The following ERLIN2 variants were observed in gnomAD, a reference collection of about 807,000 sequenced individuals.
ERLIN2 encodes the protein ER lipid raft associated 2.
A neutral mutation model predicts 41.5 loss-of-function variants in ERLIN2; 22 were observed. The ratio of observed to expected loss-of-function variants is 0.53; its 90% CI spans 0.38 to 0.76. The LOEUF (loss-of-function observed/expected upper bound fraction) is 0.76, where lower values mean the gene tolerates loss of function less well. Ranked by LOEUF, ERLIN2 falls within the 30% of genes least tolerant of loss-of-function variation. ERLIN2 has a pLI of 0.00. For missense variants in ERLIN2, 247 were observed against 414.3 expected (o/e 0.60, Z 3.51); for synonymous variants, 149 against 150.9 (o/e 0.99, Z 0.09).
chr8:37,748,181 A>G (rs1301637676), intron 6 of ERLIN2, among the ~76,000 whole-genome samples: 2 of 152,218 alleles, frequency 1.3e-5, no homozygotes, highest in African/African-American at 2.4e-5. Flanking sequence ...CTTGAAAAGT[A>G]TTTCTTTCAC....
chr8:37,738,194 TACAC>T (rs748029411), intron 2 of ERLIN2, among the ~76,000 whole-genome samples, 165 bp downstream of exon 2: 1 of 152,142 alleles, frequency 6.6e-6, no homozygotes, highest in African/African-American at 2.4e-5. Context: ...GGAAAGAGAA[TACAC>T]ACACACACAT....
chr8:37,741,036 C>T lies in ERLIN2; in HGVS notation c.189+590C>T, dbSNP rs1178760663. On this transcript the variant is annotated intron_variant, in intron 3 of 11. Coordinates refer to ENST00000519638, the MANE Select transcript of ERLIN2 (RefSeq NM_007175.8). This position sits in a 1 kb window ranked among gnomAD's most constrained non-coding sequence, Gnocchi z 4.8. ...CCTGTAAGTTTCATGTGCTGTTTAC[C>T]AGGCTTTGTGGCTTTCAAACTGCAT... Among the ~76,000 whole-genome samples the T allele has an allele frequency of 1.3e-5, 2 of 152,190 alleles. No individual in the cohort carries two copies. The highest frequency in any genetic ancestry group is 1.3e-4 in the Admixed American group (2 of 15,280).
chr8:37,738,194 TAC>T (rs748029411), intron 2 of ERLIN2, among the ~76,000 whole-genome samples, 165 bp downstream of exon 2: 2 of 152,260 alleles, frequency 1.3e-5, no homozygotes, highest in East Asian at 3.9e-4. Flanking sequence ...GGAAAGAGAA[TAC>T]ACACACACAC....
intron 2 of ERLIN2, 116 bp from the exon 3 acceptor site, chr8:37,740,249 T>G: frequency 1.3e-6 from 1 of 751,508 alleles, no homozygotes; most frequent in Non-Finnish European, 2.4e-6. Flanking sequence ...CTGCAGCACA[T>G]GTCACTCTCT....
In ERLIN2 at chr8:37,741,763, T is replaced by C; in HGVS notation, c.190-9T>C. 2 of 1,611,770 alleles carry C rather than the reference T, an allele frequency of 1.2e-6. No homozygotes were observed. The highest frequency in any genetic ancestry group is 2.7e-5 in the African/African-American group (2 of 74,992). On this transcript the variant is annotated splice_polypyrimidine_tract_variant and intron_variant, in intron 3 of 11. Coordinates refer to ENST00000519638, the MANE Select transcript of ERLIN2 (RefSeq NM_007175.8). This position sits in a 1 kb window ranked among gnomAD's most constrained non-coding sequence, Gnocchi z 4.8. Reference sequence around the variant, plus strand: ...ATCTTCTAGCACTTTATGTTTCCTCTGTTTCCAGACCACACTCCAGACAGA... The same window carrying C: ...ATCTTCTAGCACTTTATGTTTCCTCCGTTTCCAGACCACACTCCAGACAGA...
chr8:37,737,885 A>G, intron 1 of ERLIN2, 23 bp from the exon 2 acceptor site: 1 of 1,613,532 alleles, frequency 6.2e-7, no homozygotes, highest in Non-Finnish European at 8.5e-7. Flanking sequence ...GACCACACAC[A>G]TTTTCCCGTG....
At chr8:37,738,094 T>C in intron 2 of ERLIN2, 65 bp downstream of exon 2, 1 of 1,586,346 alleles carries the variant, frequency 6.3e-7, no homozygotes, top group South Asian at 1.1e-5. Flanking sequence ...TGGTCATTGC[T>C]TTCCTAGCAG....
At chr8:37,749,216 C>G (rs1288783227) in intron 6 of ERLIN2, among the ~76,000 whole-genome samples, 6 of 152,220 alleles carry the variant, frequency 3.9e-5, no homozygotes, top group African/African-American at 1.4e-4. Flanking sequence ...GGAAAGGCTG[C>G]TGCCTCACGC....
chr8:37,748,355 C>G (rs1212583757), intron 6 of ERLIN2, among the ~76,000 whole-genome samples: 1 of 152,082 alleles, frequency 6.6e-6, no homozygotes, highest in Non-Finnish European at 1.5e-5. Context: ...ATATTTAGTT[C>G]TAGTTGTTAA....
chr8:37,746,398 G>A (rs1438143478), intron 6 of ERLIN2: 2 of 985,098 alleles, frequency 2.0e-6, no homozygotes, highest in Non-Finnish European at 2.4e-6. Flanking sequence ...TTTTTTTCCT[G>A]TCCCAACACC....
rs989009540 is a variant in ERLIN2 at position 37,757,326 on chromosome 8, C to T, written c.*3211C>T. The T allele has an allele frequency of 6.6e-6, 1 of 151,750 alleles. No individual in the cohort carries two copies. The highest frequency in any genetic ancestry group is 6.6e-5 in the Admixed American group (1 of 15,234). 9.4% of individuals were successfully genotyped at this position (151,750 alleles called of 1,614,324 possible). ...CTATTCAGTAGGGTTCCAGCCACTGCTTTTTTGTTGTTTCTAGCCACTGTT... is the reference window on the plus strand; with the variant it reads ...CTATTCAGTAGGGTTCCAGCCACTGTTTTTTTGTTGTTTCTAGCCACTGTT... On this transcript the variant is annotated 3_prime_UTR_variant, in exon 12 of 12. Transcript: ENST00000519638.
At chr8:37,744,803 T>C (rs770601381) in intron 6 of ERLIN2, 107 bp downstream of exon 6, 53 of 1,218,952 alleles carry the variant, frequency 4.3e-5, no homozygotes, top group Middle Eastern at 3.7e-4. Context: ...TGGTCACTTA[T>C]GGACAGGAAA....
rs1803296707 is a variant in ERLIN2 at position 37,754,024 on chromosome 8, G to A, written c.929G>A (p.Gly310Asp). The change falls in exon 12 of 12, where the codon GGC becomes GAC. Residue 310 changes from glycine (G) to aspartate (D), a missense_variant. Physicochemically the swap from Gly to Asp is moderately conservative, Grantham distance 94. This residue lies in a region of ERLIN2 where 153 missense variants were observed against 256.4 expected (regional missense o/e 0.60). Transcript: ENST00000519638. ...DIPNMFMDSA[G>D]SVSKQFEGLA... ...CCTAACATGTTCATGGACTCTGCGG[G>A]CAGTGTGAGCAAGCAGTTTGAGGGG... The A allele has an allele frequency of 6.2e-7, 1 of 1,614,058 alleles. No individual in the cohort carries two copies. The highest frequency in any genetic ancestry group is 2.2e-5 in the East Asian group (1 of 44,872).
intron 11 of ERLIN2, 40 bp downstream of exon 11, chr8:37,753,569 G>A: frequency 6.3e-7 from 1 of 1,575,970 alleles, no homozygotes; most frequent in East Asian, 2.2e-5. Flanking sequence ...GAGTCTTTGG[G>A]TCTGGGTCTG....
chr8:37,754,082 T>G lies in ERLIN2; in HGVS notation c.987T>G (p.Asp329Glu). Residue 329 changes from aspartate to glutamate, a missense_variant, in exon 12 of 12, where the codon GAT becomes GAG. Around this residue, in one of 3 missense-constraint regions of ERLIN2, gnomAD observed 153 missense variants for 256.4 expected, o/e 0.60. Transcript: ENST00000519638. Reference sequence around the variant, plus strand: ...ACAAGCTAAGCTTTGGCTTAGAAGATGAACCCTTGGAGACGGCCACTAAGG... The same window carrying G: ...ACAAGCTAAGCTTTGGCTTAGAAGAGGAACCCTTGGAGACGGCCACTAAGG... ...LADKLSFGLEDEPLETATKEN is the reference protein window; with the variant it reads ...LADKLSFGLEEEPLETATKEN 9 of 1,614,156 alleles carry G rather than the reference T, an allele frequency of 5.6e-6. No homozygotes were observed. The highest frequency in any genetic ancestry group is 7.6e-6 in the Non-Finnish European group (9 of 1,180,004).
At chr8:37,753,820 G>A in intron 11 of ERLIN2, 95 bp from the exon 12 acceptor site, 1 of 1,057,934 alleles carries the variant, frequency 9.5e-7, no homozygotes, top group Non-Finnish European at 1.4e-6. Context: ...AAAGTAGGTA[G>A]GGGCATAAAT....
intron 2 of ERLIN2, 54 bp from the exon 3 acceptor site, chr8:37,740,311 A>C (rs1802804258): frequency 2.4e-6 from 3 of 1,265,008 alleles, no homozygotes; most frequent in Admixed American, 1.7e-5. Flanking sequence ...ATATTGATCT[A>C]ACAGAGCCTT....
chr8:37,737,428 AG>A lies in ERLIN2; in HGVS notation c.-15-479del, dbSNP rs1802689971. ...CTCTGCCACTCCAGCATCTGAAAGG[AG>A]TAAATAATGGTTTCCTTTGAAACTG... On this transcript the variant is annotated intron_variant, in intron 1 of 11. Coordinates refer to ENST00000519638, the MANE Select transcript of ERLIN2 (RefSeq NM_007175.8). 2.0e-5 allele frequency: 4 copies of A among 198,720 alleles called. No homozygotes were observed. In the South Asian group the frequency reaches 3.1e-4, roughly 15 times the overall value. 12.3% of individuals were successfully genotyped at this position (198,720 alleles called of 1,614,324 possible).
chr8:37,747,583 T>C, intron 6 of ERLIN2: 2 of 1,612,334 alleles, frequency 1.2e-6, no homozygotes, highest in Non-Finnish European at 1.7e-6. Context: ...CATCATCACC[T>C]TCTTAGGAGG....
Sources: allele counts gnomAD v4.1 joint callset (sites outside exome capture counted in the v4.1 genomes callset), GRCh38; gene constraint gnomAD v4.1.1; regional missense constraint gnomAD v4.1.1; non-coding constraint Gnocchi (gnomAD v3.1); transcripts MANE v1.5; gene names NCBI Gene and HGNC (gene_info 2026-07-23, HGNC 2026-07-21).